KCND2: variants seen among roughly 807,000 people sequenced by gnomAD.
KCND2 encodes potassium voltage-gated channel subfamily D member 2.
A neutral mutation model predicts 54.4 loss-of-function variants in KCND2; 16 were observed. The ratio of observed to expected loss-of-function variants is 0.29; its 90% CI spans 0.20 to 0.45. The LOEUF (loss-of-function observed/expected upper bound fraction) is 0.45, where lower values mean the gene tolerates loss of function less well. Among genes scored for constraint, KCND2 ranks in the 20% least tolerant of loss-of-function variants. The probability of loss-of-function intolerance (pLI) is 1.00; values close to 1 mark genes in which losing one functional copy is unlikely to be tolerated. For missense variants in KCND2, 486 were observed against 824.2 expected (o/e 0.59, Z 5.02); for synonymous variants, 317 against 310.7 (o/e 1.02, Z -0.21).
At chr7:120,284,312 C>T (rs1374288535) in intron 1 of KCND2, among the ~76,000 whole-genome samples, 5 of 151,880 alleles carry the variant, frequency 3.3e-5, no homozygotes, top group Admixed American at 2.0e-4. Context: ...CACACACGCG[C>T]GCACACTCCA....
chr7:120,354,637 A>G (rs77427806), intron 1 of KCND2, among the ~76,000 whole-genome samples: 2,197 of 152,260 alleles, frequency 0.014, 38 homozygotes, highest in Non-Finnish European at 0.02. Context: ...GGTCTTAACT[A>G]CTTGAGGGGG....
At chr7:120,336,007 A>G (rs2116356894) in intron 1 of KCND2, among the ~76,000 whole-genome samples, 1 of 152,308 alleles carries the variant, frequency 6.6e-6, no homozygotes, top group South Asian at 2.1e-4. Flanking sequence ...AGGAGTAAAA[A>G]CATTCTAATG....
chr7:120,406,524 T>TG (rs1190323220), intron 1 of KCND2, among the ~76,000 whole-genome samples: 1 of 151,954 alleles, frequency 6.6e-6, no homozygotes, highest in African/African-American at 2.4e-5. Context: ...GCAAAACACA[T>TG]GCACACTAAT....
chr7:120,435,540 A>G (rs938182390), intron 1 of KCND2, among the ~76,000 whole-genome samples: 2 of 152,132 alleles, frequency 1.3e-5, no homozygotes, highest in African/African-American at 4.8e-5. Context: ...TCATTTTCTA[A>G]GGGAAACAGT....
intron 1 of KCND2, among the ~76,000 whole-genome samples, chr7:120,720,872 C>T (rs927513171): frequency 6.6e-6 from 1 of 152,096 alleles, no homozygotes; most frequent in African/African-American, 2.4e-5. Context: ...ACCTTGAATA[C>T]GATCAATACT....
At chr7:120,494,599 C>T (rs1341619506) in intron 1 of KCND2, among the ~76,000 whole-genome samples, 1 of 152,100 alleles carries the variant, frequency 6.6e-6, no homozygotes, top group African/African-American at 2.4e-5. Flanking sequence ...GAAAAAGCCT[C>T]TTTAAACAAT....
chr7:120,735,327 C>A (rs1454375521), intron 2 of KCND2, among the ~76,000 whole-genome samples: 2 of 152,006 alleles, frequency 1.3e-5, no homozygotes, highest in African/African-American at 4.8e-5. Context: ...CATGACGCTG[C>A]CCATACAGTA....
At chr7:120,397,993 GTGTATATATATATATATATATATATATA>G (rs1393988851) in intron 1 of KCND2, among the ~76,000 whole-genome samples, 3 of 39,988 alleles carry the variant, frequency 7.5e-5, no homozygotes, top group African/African-American at 1.5e-4. Context: ...GTGTGTGTGT[GTGTATATATATATATATATATATATATA>G]TATATATATA....
chr7:120,418,306 T>A (rs1801553196), intron 1 of KCND2, among the ~76,000 whole-genome samples: 1 of 152,210 alleles, frequency 6.6e-6, no homozygotes, highest in South Asian at 2.1e-4. Flanking sequence ...ACTACTGTGA[T>A]TCCACAAGAC....
chr7:120,422,007 A>G (rs1251112667), intron 1 of KCND2, among the ~76,000 whole-genome samples: 1 of 152,244 alleles, frequency 6.6e-6, no homozygotes, highest in Non-Finnish European at 1.5e-5. Flanking sequence ...AAGGTTGTTC[A>G]GTACTTCTTC....
At chr7:120,464,048 T>C in intron 1 of KCND2, 1 of 984,580 alleles carries the variant, frequency 1.0e-6, no homozygotes. Flanking sequence ...AGTTGAGCCT[T>C]TTGCTTTCCA....
At chr7:120,368,390 GAAAAAATAA>G (rs1462769475) in intron 1 of KCND2, among the ~76,000 whole-genome samples, 2 of 150,454 alleles carry the variant, frequency 1.3e-5, no homozygotes, top group East Asian at 3.9e-4. Context: ...CTACTACCCT[GAAAAAATAA>G]AAAAAATAAA....
At chr7:120,508,889 C>T (rs200281278) in intron 1 of KCND2, among the ~76,000 whole-genome samples, 1 of 106,458 alleles carries the variant, frequency 9.4e-6, no homozygotes, top group African/African-American at 8.1e-5. Context: ...TTGCCTTTCA[C>T]GATTTTTTTT....
At chr7:120,733,339 A>G (rs1454993572) in intron 2 of KCND2, among the ~76,000 whole-genome samples, 1 of 152,116 alleles carries the variant, frequency 6.6e-6, no homozygotes, top group Non-Finnish European at 1.5e-5. Context: ...AGCAGGAGTA[A>G]AGGGCATGAT....
intron 1 of KCND2, among the ~76,000 whole-genome samples, chr7:120,410,827 C>A (rs1370718751): frequency 6.6e-6 from 1 of 151,664 alleles, no homozygotes; most frequent in African/African-American, 2.4e-5. Context: ...ATAGTTTGCT[C>A]CAAATGATGG....
intron 1 of KCND2, among the ~76,000 whole-genome samples, chr7:120,702,792 G>A (rs1277550359): frequency 1.3e-5 from 2 of 152,134 alleles, no homozygotes; most frequent in Non-Finnish European, 2.9e-5. Flanking sequence ...AAGGTGGAGG[G>A]TGGGAGGAGG....
chr7:120,708,976 A>C (rs1357124365), intron 1 of KCND2, among the ~76,000 whole-genome samples: 1 of 152,090 alleles, frequency 6.6e-6, no homozygotes, highest in East Asian at 1.9e-4. Context: ...TAGAAAAGTT[A>C]ATTAAGGCCA....
At chr7:120,601,559 G>A (rs796212484) in intron 1 of KCND2, among the ~76,000 whole-genome samples, 1 of 152,150 alleles carries the variant, frequency 6.6e-6, no homozygotes, top group African/African-American at 2.4e-5. Flanking sequence ...TTGTTTATAA[G>A]AGTTAATCGC....
intron 1 of KCND2, among the ~76,000 whole-genome samples, chr7:120,726,580 A>G (rs1044100419): frequency 1.3e-5 from 2 of 152,192 alleles, no homozygotes; most frequent in African/African-American, 4.8e-5. Flanking sequence ...AATAATTTAA[A>G]CGCACATAGA....
Sources: allele counts gnomAD v4.1 joint callset (sites outside exome capture counted in the v4.1 genomes callset), GRCh38; gene constraint gnomAD v4.1.1; transcripts MANE v1.5; gene names NCBI Gene and HGNC (gene_info 2026-07-23, HGNC 2026-07-21).